Variants in TEX11 observed in about 807,000 individuals in gnomAD.
TEX11 encodes the protein testis expressed 11.
In TEX11, 7 loss-of-function variants were observed where a neutral mutation model predicts 84.4. The ratio of observed to expected loss-of-function variants is 0.08; its 90% CI spans 0.05 to 0.16. TEX11 has a LOEUF of 0.16. TEX11 is among the 10% of genes least tolerant of loss of function. The probability of loss-of-function intolerance (pLI) is 1.00; values close to 1 mark genes in which losing one functional copy is unlikely to be tolerated. For missense variants in TEX11, 551 were observed against 660.5 expected (o/e 0.83, Z 1.82); for synonymous variants, 264 against 222.8 (o/e 1.18, Z -1.64).
intron 16 of TEX11, among the ~76,000 whole-genome samples, chrX:70,663,903 T>A: frequency 1.8e-5 from 2 of 111,823 alleles, no homozygotes; most frequent in Non-Finnish European, 3.8e-5. Flanking sequence ...CTGCAGATGC[T>A]CAAGTTCCTT....
intron 8 of TEX11, among the ~76,000 whole-genome samples, chrX:70,811,308 G>A (rs757794463): frequency 9.1e-6 from 1 of 110,427 alleles, no homozygotes; most frequent in East Asian, 2.8e-4. Context: ...AGTTTGCTGA[G>A]AATGATGGTT....
intron 8 of TEX11, among the ~76,000 whole-genome samples, chrX:70,817,230 T>TAC (rs201239481): frequency 0.36 from 30,409 of 84,449 alleles, 5,200 homozygotes; most frequent in Non-Finnish European, 0.48. Context: ...CACATACACA[T>TAC]ACACACACAC....
At chrX:70,803,472 G>T (rs2147805480) in intron 9 of TEX11, among the ~76,000 whole-genome samples, 1 of 111,724 alleles carries the variant, frequency 9.0e-6, no homozygotes, top group East Asian at 2.8e-4. Flanking sequence ...CCTGCACTGA[G>T]ATGTTAACAA....
intron 15 of TEX11, among the ~76,000 whole-genome samples, chrX:70,675,253 A>C (rs759459512): frequency 3.9e-4 from 44 of 112,655 alleles, no homozygotes; most frequent in African/African-American, 1.3e-3. Flanking sequence ...ATTCATTTGT[A>C]TAGATTCATA....
intron 17 of TEX11, among the ~76,000 whole-genome samples, chrX:70,637,702 G>T (rs2089592058): frequency 9.0e-6 from 1 of 110,909 alleles, no homozygotes; most frequent in Admixed American, 9.6e-5. Flanking sequence ...ATAAGTGGAA[G>T]CTGAATGATG....
chrX:70,635,927 C>T (rs996336060), intron 17 of TEX11, among the ~76,000 whole-genome samples: 7 of 111,459 alleles, frequency 6.3e-5, no homozygotes, highest in African/African-American at 2.3e-4. Flanking sequence ...ACAGCCTTCA[C>T]ACCTGCTTAT....
intron 2 of TEX11, among the ~76,000 whole-genome samples, chrX:70,900,137 C>T (rs1295679749): frequency 1.9e-5 from 2 of 107,540 alleles, no homozygotes; most frequent in African/African-American, 6.7e-5. Flanking sequence ...TGCAACTGCA[C>T]TCCAGCCTGG....
intron 25 of TEX11, among the ~76,000 whole-genome samples, chrX:70,562,110 TCACA>T (rs765931069): frequency 2.1e-4 from 24 of 112,285 alleles, no homozygotes; most frequent in Non-Finnish European, 3.9e-4. Context: ...TCCCACCACT[TCACA>T]GTATCTCACA....
chrX:70,676,047 A>T (rs1417347040), intron 15 of TEX11, among the ~76,000 whole-genome samples: 1 of 111,969 alleles, frequency 8.9e-6, no homozygotes, highest in Non-Finnish European at 1.9e-5. Flanking sequence ...CTCAAGGCTC[A>T]TCCATGTTAT....
chrX:70,521,422 G>A, the TEX11 span, among the ~76,000 whole-genome samples: 12 of 110,340 alleles, frequency 1.1e-4, no homozygotes, highest in African/African-American at 3.6e-4. Context: ...TATTACAGGC[G>A]CCCTCTACCA....
chrX:70,593,233 C>T (rs1301153374), intron 24 of TEX11, among the ~76,000 whole-genome samples: 1 of 111,795 alleles, frequency 8.9e-6, no homozygotes. Flanking sequence ...CCTAAAATCA[C>T]TGTCATCCTT....
rs778513449 is a variant in TEX11 at position 70,868,396 on chromosome X, G to A, written c.244+4827C>T. Among the ~76,000 whole-genome samples, 10 of 111,691 alleles carry A rather than the reference G, an allele frequency of 9.0e-5. 1 individual carries two copies. The highest frequency in any genetic ancestry group is 8.6e-4 in the Admixed American group (9 of 10,507). On this transcript the variant is annotated intron_variant, in intron 4 of 29. Transcript: ENST00000374333. ...AAACAAGAGATGCTGGTGAGGATGCGGAGAAATAGGAACGCTTTTACACTG... is the reference window on the plus strand; with the variant it reads ...AAACAAGAGATGCTGGTGAGGATGCAGAGAAATAGGAACGCTTTTACACTG...
At chrX:70,704,946 T>C (rs921232721) in intron 13 of TEX11, among the ~76,000 whole-genome samples, 4 of 112,022 alleles carry the variant, frequency 3.6e-5, no homozygotes, top group Admixed American at 1.9e-4. Flanking sequence ...ATTTAAGTCT[T>C]TAATACATCT....
intron 24 of TEX11, among the ~76,000 whole-genome samples, chrX:70,600,263 A>G (rs1268006447): frequency 9.0e-6 from 1 of 111,655 alleles, no homozygotes; most frequent in African/African-American, 3.3e-5. Context: ...CATTTCTCTG[A>G]TGGCCAGTGA....
At chrX:70,803,969 C>T (rs913581743) in intron 9 of TEX11, among the ~76,000 whole-genome samples, 4 of 110,756 alleles carry the variant, frequency 3.6e-5, no homozygotes, top group Non-Finnish European at 7.6e-5. Context: ...TATAGCGAGG[C>T]TCCGCCTCTA....
chrX:70,528,357 AC>A (rs2087842333), downstream of TEX11, among the ~76,000 whole-genome samples: 2 of 111,406 alleles, frequency 1.8e-5, no homozygotes, highest in Admixed American at 1.9e-4. Context: ...TTGCTCTGTC[AC>A]CTAGGCTGGC....
chrX:70,607,964 GC>G (rs2089214216), intron 22 of TEX11, among the ~76,000 whole-genome samples: 1 of 112,165 alleles, frequency 8.9e-6, no homozygotes. Context: ...CAGGATTAAA[GC>G]CCTATTAAAC....
chrX:70,554,813 C>CA lies in TEX11; in HGVS notation c.2141-14dup. 1 of 1,186,072 alleles carries CA rather than the reference C, an allele frequency of 8.4e-7. No homozygotes were observed. The highest frequency in any genetic ancestry group is 1.1e-6 in the Non-Finnish European group (1 of 882,634). On this transcript the variant is annotated splice_polypyrimidine_tract_variant and intron_variant, in intron 25 of 29. Transcript: ENST00000374333. ...TTTGAGAAGGTCCCTAAGAAAGAGG[C>CA]AAAAATGCAACATTCTTTGTGATTA...
intron 17 of TEX11, among the ~76,000 whole-genome samples, chrX:70,630,556 T>C (rs773641034): frequency 9.1e-6 from 1 of 110,402 alleles, no homozygotes; most frequent in African/African-American, 3.3e-5. Context: ...AAAAGGGAGA[T>C]AAATGTAATC....
Sources: gnomAD v4.1 joint callset for allele counts (sites outside exome capture counted in the v4.1 genomes callset) on GRCh38, gnomAD v4.1.1 for gene constraint, MANE v1.5 for transcripts, NCBI Gene and HGNC (gene_info 2026-07-23, HGNC 2026-07-21) for gene names.